NDUFAF6: variants seen among roughly 807,000 people sequenced by gnomAD.
The protein encoded by NDUFAF6 is NADH:ubiquinone oxidoreductase complex assembly factor 6.
NDUFAF6 carries 45 observed loss-of-function variants against 40.8 expected under a neutral mutation model. The ratio of observed to expected loss-of-function variants is 1.10; its 90% CI spans 0.87 to 1.42. The LOEUF (loss-of-function observed/expected upper bound fraction) is 1.42, where lower values mean the gene tolerates loss of function less well. NDUFAF6 is among the 40% of genes most tolerant of loss of function. NDUFAF6 has a pLI of 0.00. For synonymous variants in NDUFAF6, 185 were observed against 155.9 expected (o/e 1.19, Z -1.39); for missense variants, 435 against 418.5 (o/e 1.04, Z -0.34).
chr8:94,895,901 G>A (rs1453603708), exon 1 of NDUFAF6: 1 of 153,694 alleles, frequency 6.5e-6, no homozygotes, highest in Non-Finnish European at 1.4e-5. Context: ...CGCGCCCAGG[G>A]AAGGCATTTC....
chr8:95,003,360 C>G (rs539073903), intron 2 of NDUFAF6, among the ~76,000 whole-genome samples: 1 of 152,316 alleles, frequency 6.6e-6, no homozygotes, highest in Middle Eastern at 3.4e-3. Context: ...ACGGAGAGGG[C>G]ATTCCTGGGA....
chr8:95,045,434 T>A, intron 4 of NDUFAF6, 111 bp from the exon 5 acceptor site: 3 of 737,810 alleles, frequency 4.1e-6, no homozygotes, highest in Non-Finnish European at 7.3e-6. Flanking sequence ...CTAAATAACA[T>A]ATACTGAATA....
intron 3 of NDUFAF6, chr8:95,040,585 C>T (rs1830039701): frequency 6.6e-6 from 1 of 152,208 alleles, no homozygotes; most frequent in South Asian, 2.1e-4. Context: ...ACTTAGTATT[C>T]TGCTATAAGA....
chr8:95,090,732 T>G (rs1417649868), intron 2 of NDUFAF6, among the ~76,000 whole-genome samples: 1 of 152,138 alleles, frequency 6.6e-6, no homozygotes, highest in Non-Finnish European at 1.5e-5. Context: ...GAGATTAACA[T>G]TTGAGTTGGT....
upstream of NDUFAF6, among the ~76,000 whole-genome samples, chr8:95,100,043 G>A (rs1477321727): frequency 6.6e-6 from 1 of 152,166 alleles, no homozygotes; most frequent in African/African-American, 2.4e-5. Context: ...CTTGGAGTGA[G>A]TTGAACAAGG....
intron 2 of NDUFAF6, among the ~76,000 whole-genome samples, chr8:95,089,540 C>T (rs1809181447): frequency 6.6e-6 from 1 of 152,106 alleles, no homozygotes; most frequent in Non-Finnish European, 1.5e-5. Flanking sequence ...AATTTCCTTT[C>T]CACAACCTCA....
chr8:94,917,733 T>C (rs1198722683), intron 1 of NDUFAF6, among the ~76,000 whole-genome samples: 3 of 152,220 alleles, frequency 2.0e-5, no homozygotes, highest in Non-Finnish European at 4.4e-5. Flanking sequence ...CTAAAACTAA[T>C]GTTATCCTGC....
intron 4 of NDUFAF6, among the ~76,000 whole-genome samples, chr8:95,113,961 T>A (rs1008918724): frequency 8.3e-4 from 105 of 126,706 alleles, no homozygotes; most frequent in South Asian, 1.8e-3. Context: ...AACAATGAGA[T>A]CACATGGACA....
At chr8:95,079,741 G>T (rs577377231), downstream of NDUFAF6, among the ~76,000 whole-genome samples, 4 of 151,548 alleles carry the variant, frequency 2.6e-5, no homozygotes, top group East Asian at 7.7e-4. Flanking sequence ...TTGAGACAGG[G>T]TCTTGCTTTG....
At chr8:94,910,209 G>A (rs1032667721) in intron 1 of NDUFAF6, among the ~76,000 whole-genome samples, 3 of 152,204 alleles carry the variant, frequency 2.0e-5, no homozygotes, top group Admixed American at 1.3e-4. Flanking sequence ...CTGTAGTACA[G>A]TGGCACAAGC....
chr8:94,944,027 G>A (rs1472004317), intron 1 of NDUFAF6, among the ~76,000 whole-genome samples: 1 of 152,194 alleles, frequency 6.6e-6, no homozygotes. Flanking sequence ...AAAGATTTTT[G>A]AGGATACATG....
At chr8:95,037,996 G>T (rs1355350269) in intron 3 of NDUFAF6, among the ~76,000 whole-genome samples, 1 of 152,136 alleles carries the variant, frequency 6.6e-6, no homozygotes, top group African/African-American at 2.4e-5. Flanking sequence ...CGATCCTCTT[G>T]CCTCAGCCTC....
intron 2 of NDUFAF6, chr8:95,033,971 A>G (rs1488382565): frequency 2.2e-6 from 1 of 457,700 alleles, no homozygotes; most frequent in Non-Finnish European, 4.4e-6. Context: ...GAGGGTTCTG[A>G]GCAGAGAGAC....
chr8:95,020,752 C>T (rs547472051), upstream of NDUFAF6, among the ~76,000 whole-genome samples: 1 of 152,328 alleles, frequency 6.6e-6, no homozygotes, highest in East Asian at 1.9e-4. Context: ...AAACATCTAC[C>T]TTTGGCAGTC....
upstream of NDUFAF6, chr8:95,024,933 G>T (rs1441277174): frequency 5.8e-6 from 7 of 1,212,462 alleles, no homozygotes; most frequent in Non-Finnish European, 6.2e-6. Context: ...GGAGCATAGG[G>T]GAACCTGCAG....
intron 1 of NDUFAF6, among the ~76,000 whole-genome samples, chr8:94,938,860 T>C (rs929374237): frequency 6.6e-6 from 1 of 152,208 alleles, no homozygotes; most frequent in Non-Finnish European, 1.5e-5. Context: ...AACACCAGTT[T>C]ACAGCTGGTT....
chr8:95,096,795 C>A (rs149089900), upstream of NDUFAF6, among the ~76,000 whole-genome samples: 1 of 152,214 alleles, frequency 6.6e-6, no homozygotes, highest in Non-Finnish European at 1.5e-5. Context: ...AACTGCCATA[C>A]CAGGTTCATT....
At chr8:95,037,073 CA>C (rs1490785871) in intron 3 of NDUFAF6, among the ~76,000 whole-genome samples, 8 of 152,166 alleles carry the variant, frequency 5.3e-5, no homozygotes, top group African/African-American at 1.7e-4. Context: ...TGCACTGTTT[CA>C]TTGGTATTTT....
chr8:95,039,616 G>GTT (rs879756772), intron 3 of NDUFAF6, among the ~76,000 whole-genome samples: 1 of 147,256 alleles, frequency 6.8e-6, no homozygotes, highest in Non-Finnish European at 1.5e-5. Context: ...AATCAGGACA[G>GTT]TTTTTTTTTT....
Sources: gnomAD v4.1 joint callset for allele counts (sites outside exome capture counted in the v4.1 genomes callset) on GRCh38, gnomAD v4.1.1 for gene constraint, MANE v1.5 for transcripts, NCBI Gene and HGNC (gene_info 2026-07-23, HGNC 2026-07-21) for gene names.